CIZ1: variants seen among roughly 807,000 people sequenced by gnomAD.
CIZ1 encodes the protein CDKN1A interacting zinc finger protein 1.
CIZ1 carries 58 observed loss-of-function variants against 118.6 expected under a neutral mutation model. The observed-to-expected ratio is 0.49, with a 90% CI of 0.40 to 0.61. The LOEUF (loss-of-function observed/expected upper bound fraction) is 0.61. CIZ1 is among the 20% of genes least tolerant of loss of function. CIZ1 has a pLI of 0.00. For missense variants in CIZ1, 921 were observed against 1,115.9 expected, an observed-to-expected ratio of 0.83 and a Z score of 2.49; for synonymous variants, 448 against 443.4, an observed-to-expected ratio of 1.01 and a Z score of -0.13.
chr9:128,182,904 A>G (rs1831863125), intron 5 of CIZ1, among the ~76,000 whole-genome samples: 1 of 151,838 alleles, frequency 6.6e-6, no homozygotes, highest in Non-Finnish European at 1.5e-5. Context: ...GATTACAGGC[A>G]TGAGTCATTG....
intron 1 of CIZ1, among the ~76,000 whole-genome samples, chr9:128,200,664 A>AG (rs1177552873): frequency 1.3e-5 from 2 of 150,416 alleles, no homozygotes; most frequent in Non-Finnish European, 3.0e-5. Flanking sequence ...TCTCAAAAAA[A>AG]AAAAAAGAAA....
At chr9:128,167,318 T>C (rs1829558618) in intron 14 of CIZ1, 154 bp from the exon 15 acceptor site, 2 of 605,744 alleles carry the variant, frequency 3.3e-6, no homozygotes, top group Non-Finnish European at 5.8e-6. Flanking sequence ...CCTTTGCACA[T>C]GGTGATCCTG....
intron 3 of CIZ1, 39 bp downstream of exon 3, chr9:128,190,290 A>C (rs1304376138): frequency 7.0e-7 from 1 of 1,419,342 alleles, no homozygotes; most frequent in African/African-American, 1.4e-5. Flanking sequence ...GGGAGCTACC[A>C]CTAAAAGAGA....
intron 1 of CIZ1, among the ~76,000 whole-genome samples, chr9:128,198,836 AAC>A (rs1833441201): frequency 6.6e-6 from 1 of 151,196 alleles, no homozygotes. Flanking sequence ...ATCTCAAAAA[AAC>A]AAAAGGGTTT....
Position 128,177,731 on chromosome 9 carries a change from G to A in CIZ1, c.1653C>T (p.Thr551=), listed in dbSNP as rs775083406. The change falls in exon 10 of 17, where the codon ACC becomes ACT. Residue 551 remains threonine (T), a synonymous_variant. Transcript: ENST00000372938. ...CCCGGCTGTCACTGCTCTGCAGAATGGTGACCTTCAGGGAGCCCCCGGCGC... is the reference window on the plus strand; with the variant it reads ...CCCGGCTGTCACTGCTCTGCAGAATAGTGACCTTCAGGGAGCCCCCGGCGC... ...VWGAGGSLKV[T]ILQSSDSRAF... is the part of the protein sequence containing the mutation. The A allele has an allele frequency of 3.1e-6, 5 of 1,606,490 alleles. No homozygotes were observed. The South Asian group carries it at 4.5e-5, about 14-fold the overall frequency.
chr9:128,180,500 C>T lies in CIZ1; in HGVS notation c.706G>A (p.Glu236Lys). ...PEDQDLPPCP[E>K]DIAKEKRTPA... ...GTGCGTTTTTCCTTGGCGATGTCCT[C>T]TGGGCAGGGCGGTAAATCTTGGTCT... Residue 236 changes from glutamate to lysine, a missense_variant, in exon 7 of 17, where the codon GAG becomes AAG. Glu to Lys is a moderately conservative substitution (Grantham distance 56, BLOSUM62 1). Coordinates refer to ENST00000372938, the MANE Select transcript of CIZ1 (RefSeq NM_001131016.2). 1 of 1,614,194 alleles carries T rather than the reference C, an allele frequency of 6.2e-7. No homozygotes were observed. The highest frequency in any genetic ancestry group is 8.5e-7 in the Non-Finnish European group (1 of 1,180,018).
At chr9:128,170,138 G>C (rs758893781) in intron 11 of CIZ1, 31 bp from the exon 12 acceptor site, 1 of 1,587,978 alleles carries the variant, frequency 6.3e-7, no homozygotes, top group East Asian at 2.2e-5. Flanking sequence ...CAAGTACAAT[G>C]TGACGCCAGA....
intron 4 of CIZ1, among the ~76,000 whole-genome samples, chr9:128,186,909 G>A (rs45621639): frequency 5.0e-4 from 75 of 150,888 alleles, no homozygotes; most frequent in African/African-American, 1.7e-3. Flanking sequence ...ATTCTAGGAC[G>A]AGCTACATAC....
rs758037903 is a variant in CIZ1 at position 128,179,385 on chromosome 9, T to C, written c.822A>G (p.Pro274=). 2 of 1,607,692 alleles carry C rather than the reference T, an allele frequency of 1.2e-6. No homozygotes were observed. The highest frequency in any genetic ancestry group is 1.3e-5 in the African/African-American group (1 of 74,380). The change falls in exon 8 of 17, where the codon CCA becomes CCG. Residue 274 remains proline (P), a synonymous_variant. Transcript: ENST00000372938. ...GCTGGGCCTTCACCTGTAACTGCCC[T>C]GGAGGTTCCTTCTCTGTGGGCTCTT... The part of the protein sequence containing the change: ...SSEEPTEKEP[P]GQLQVKAQPQ...
Position 128,179,262 on chromosome 9 carries a change from G to T in CIZ1, c.945C>A (p.Val315=). 2 of 1,614,138 alleles carry T rather than the reference G, an allele frequency of 1.2e-6. No individual in the cohort carries two copies. Among genetic ancestry groups the T allele is most frequent in the Non-Finnish European group, 1.7e-6 (2 of 1,180,034 alleles). Residue 315 remains valine, a synonymous_variant, in exon 8 of 17, where the codon GTC becomes GTA. Coordinates refer to ENST00000372938, the MANE Select transcript of CIZ1 (RefSeq NM_001131016.2). ...AQVLPRFQPR[V]LQVQAQVQSQ... ...ACTGCACCTGGGCCTGGACCTGCAG[G>T]ACCCGTGGCTGGAATCGTGGCAGCA...
Position 128,169,757 on chromosome 9 carries a change from C to T in CIZ1, c.2032-238G>A, listed in dbSNP as rs554981705. The T allele has an allele frequency of 1.3e-4, 201 of 1,504,528 alleles. 2 individuals are homozygous for T. The South Asian group carries it at 1.6e-3, about 12-fold the overall frequency. The allele number at this position is 1,504,528 out of a possible 1,614,324, so 93.2% of individuals were successfully genotyped here. ...AGACAGGACAGACACAGAGAGAAGA[C>T]GAGAGAGAGGGCAGCTGCCCAAATA... On this transcript the variant is annotated intron_variant, in intron 12 of 16. Coordinates refer to ENST00000372938, the MANE Select transcript of CIZ1 (RefSeq NM_001131016.2).
At chr9:128,201,706 G>A (rs986643151) in intron 1 of CIZ1, among the ~76,000 whole-genome samples, 3 of 152,200 alleles carry the variant, frequency 2.0e-5, no homozygotes, top group African/African-American at 7.2e-5. Flanking sequence ...AGCTTAATAA[G>A]GGCCCCCTGA....
intron 12 of CIZ1, among the ~76,000 whole-genome samples, 159 bp downstream of exon 12, chr9:128,169,861 G>A (rs576571495): frequency 1.1e-4 from 17 of 152,358 alleles, no homozygotes; most frequent in Admixed American, 2.0e-4. Context: ...CCTGAAGCCC[G>A]AAGAAGAAAC....
chr9:128,192,957 G>T (rs1833260648), upstream of CIZ1, among the ~76,000 whole-genome samples: 1 of 152,206 alleles, frequency 6.6e-6, no homozygotes, highest in Non-Finnish European at 1.5e-5. Context: ...GCGCGCGGGG[G>T]CACTGGCGGC....
chr9:128,170,243 G>C (rs1385962188), intron 11 of CIZ1, 136 bp from the exon 12 acceptor site: 13 of 759,704 alleles, frequency 1.7e-5, no homozygotes, highest in Non-Finnish European at 1.1e-5. Context: ...AAATGGTTCT[G>C]AGGTTCATCT....
intron 4 of CIZ1, 59 bp from the exon 5 acceptor site, chr9:128,185,835 G>A (rs1832297213): frequency 1.6e-6 from 2 of 1,224,014 alleles, no homozygotes; most frequent in African/African-American, 1.5e-5. Flanking sequence ...CAGAAGGTAG[G>A]GTCAGGCATC....
rs777433795 is a variant in CIZ1 at position 128,166,918 on chromosome 9, T to A, written c.2366-38A>T. ...ATGGCAGGGTCTGCACTCACATCCC[T>A]GTACCAGCGAGGTGTCCCTCCCTCT... On this transcript the variant is annotated intron_variant, in intron 15 of 16. Coordinates refer to ENST00000372938, the MANE Select transcript of CIZ1 (RefSeq NM_001131016.2). The surrounding 1 kb of genome is among the most constrained non-coding windows in gnomAD (Gnocchi z 4.4). The A allele has an allele frequency of 6.2e-7, 1 of 1,613,914 alleles. No individual in the cohort carries two copies.
chr9:128,202,003 G>A (rs919746876), intron 1 of CIZ1, among the ~76,000 whole-genome samples: 4 of 152,174 alleles, frequency 2.6e-5, no homozygotes, highest in African/African-American at 7.2e-5. Flanking sequence ...TGCAGGGCAC[G>A]CCATCTAACA....
Position 128,190,382 on chromosome 9 carries a change from G to T in CIZ1, c.233C>A (p.Ser78Tyr). 1 of 1,614,022 alleles carries T rather than the reference G, an allele frequency of 6.2e-7. No homozygotes were observed. Among genetic ancestry groups the T allele is most frequent in the Non-Finnish European group, 8.5e-7 (1 of 1,179,934 alleles). Residue 78 changes from serine to tyrosine, a missense_variant, in exon 3 of 17, where the codon TCC becomes TAC. Coordinates refer to ENST00000372938, the MANE Select transcript of CIZ1 (RefSeq NM_001131016.2). ...LLNLQGTNSASLLNGSMLQRA... is the reference protein window; with the variant it reads ...LLNLQGTNSAYLLNGSMLQRA... ...CTGCAGCATGGAGCCGTTGAGGAGG[G>T]AGGCTGAGTTGGTGCCCTGGAGATT...
Sources: allele counts gnomAD v4.1 joint callset (sites outside exome capture counted in the v4.1 genomes callset), GRCh38; gene constraint gnomAD v4.1.1; non-coding constraint Gnocchi (gnomAD v3.1); transcripts MANE v1.5; gene names NCBI Gene and HGNC (gene_info 2026-07-23, HGNC 2026-07-21).